Variants in SNTG1 observed in about 807,000 individuals in gnomAD.
SNTG1 encodes gamma-1-syntrophin.
In SNTG1, 39 loss-of-function variants were observed where a neutral mutation model predicts 74.7. The ratio of observed to expected loss-of-function variants is 0.52; its 90% CI spans 0.40 to 0.68. The LOEUF is 0.68. Among genes scored for constraint, SNTG1 ranks in the 30% least tolerant of loss-of-function variants. SNTG1 has a pLI of 0.00. For missense variants in SNTG1, 685 were observed against 609.5 expected (o/e 1.12, Z -1.30); for synonymous variants, 254 against 217.1 (o/e 1.17, Z -1.49).
At chr8:50,299,438 A>T (rs2089543179) in intron 2 of SNTG1, among the ~76,000 whole-genome samples, 1 of 152,180 alleles carries the variant, frequency 6.6e-6, no homozygotes, top group African/African-American at 2.4e-5. Flanking sequence ...GGGGCATTCA[A>T]GTAAACTCTT....
At chr8:50,029,638 C>T (rs1817576578) in intron 1 of SNTG1, among the ~76,000 whole-genome samples, 1 of 152,098 alleles carries the variant, frequency 6.6e-6, no homozygotes, top group Non-Finnish European at 1.5e-5. Context: ...TTTCACCTAA[C>T]ATAACATCTA....
chr8:50,209,590 G>T (rs1331947101), intron 2 of SNTG1, among the ~76,000 whole-genome samples: 1 of 152,180 alleles, frequency 6.6e-6, no homozygotes, highest in African/African-American at 2.4e-5. Flanking sequence ...AGCCTCCGCT[G>T]GTGATACCCA....
At chr8:49,922,286 T>G (rs2129344862) in intron 1 of SNTG1, among the ~76,000 whole-genome samples, 1 of 152,270 alleles carries the variant, frequency 6.6e-6, no homozygotes, top group South Asian at 2.1e-4. Flanking sequence ...GGCTTTTTTC[T>G]TGGTACTAGA....
intron 2 of SNTG1, among the ~76,000 whole-genome samples, chr8:50,232,236 A>G (rs2085665524): frequency 6.6e-6 from 1 of 151,406 alleles, no homozygotes; most frequent in Non-Finnish European, 1.5e-5. Context: ...AGCAACATAT[A>G]TAGGAAATAT....
At chr8:49,930,346 G>T (rs1807456307) in intron 1 of SNTG1, among the ~76,000 whole-genome samples, 1 of 151,860 alleles carries the variant, frequency 6.6e-6, no homozygotes, top group African/African-American at 2.4e-5. Flanking sequence ...AAAGCAATTA[G>T]CACTATTAAT....
chr8:49,955,994 T>G (rs1272871929), intron 1 of SNTG1, among the ~76,000 whole-genome samples: 1 of 152,214 alleles, frequency 6.6e-6, no homozygotes, highest in Non-Finnish European at 1.5e-5. Context: ...CATTGCCATA[T>G]ATTGTTTTCT....
At chr8:50,008,408 T>A (rs554064649) in intron 1 of SNTG1, among the ~76,000 whole-genome samples, 1 of 152,332 alleles carries the variant, frequency 6.6e-6, no homozygotes, top group African/African-American at 2.4e-5. Flanking sequence ...GTTGTTCTAT[T>A]ATTAAACACA....
At chr8:50,644,919 C>A (rs894545744) in intron 13 of SNTG1, among the ~76,000 whole-genome samples, 4 of 135,694 alleles carry the variant, frequency 2.9e-5, no homozygotes, top group African/African-American at 8.1e-5. Context: ...TGCCCAGGTG[C>A]TTTTTTTTTT....
chr8:50,478,473 T>C (rs1015031689), intron 8 of SNTG1, among the ~76,000 whole-genome samples: 1 of 152,324 alleles, frequency 6.6e-6, no homozygotes, highest in East Asian at 1.9e-4. Context: ...CCCAGTTTAT[T>C]ATCAATCGTT....
intron 15 of SNTG1, among the ~76,000 whole-genome samples, chr8:50,666,814 A>G (rs1032936626): frequency 6.6e-6 from 1 of 152,068 alleles, no homozygotes; most frequent in African/African-American, 2.4e-5. Context: ...AATAGAAAAA[A>G]TAACTTTTTA....
At chr8:50,666,751 A>G (rs2095252704) in intron 15 of SNTG1, among the ~76,000 whole-genome samples, 1 of 152,102 alleles carries the variant, frequency 6.6e-6, no homozygotes, top group Admixed American at 6.6e-5. Context: ...GCTCAAATTA[A>G]GAATAGCTAA....
Position 50,078,683 on chromosome 8 carries a change from G to A in SNTG1, c.-102-93878G>A, listed in dbSNP as rs180978039. On this transcript the variant is annotated intron_variant, in intron 1 of 18. Coordinates refer to ENST00000642720, the MANE Select transcript of SNTG1 (RefSeq NM_018967.5). ...TTGGTTTTAAGCCCTGCGTGCATTA[G>A]GTATTTGTCCTAATGCTCTCCTTTC... 2.0e-3 allele frequency among the ~76,000 whole-genome samples: 301 copies of A among 152,238 alleles called. 1 individual carries two copies. The highest frequency in any genetic ancestry group is 6.1e-3 in the African/African-American group (253 of 41,544).
chr8:50,245,851 C>T (rs764467742), intron 2 of SNTG1, among the ~76,000 whole-genome samples: 2 of 152,026 alleles, frequency 1.3e-5, no homozygotes, highest in Non-Finnish European at 2.9e-5. Flanking sequence ...TTGTGGTAGT[C>T]ATTATGCGTG....
chr8:50,459,119 A>T (rs1035667671), intron 8 of SNTG1, among the ~76,000 whole-genome samples: 7 of 152,170 alleles, frequency 4.6e-5, no homozygotes, highest in African/African-American at 1.4e-4. Context: ...TGTCCCATTT[A>T]TTGAGAAGAC....
At chr8:50,256,164 T>C (rs1259415991) in intron 2 of SNTG1, among the ~76,000 whole-genome samples, 1 of 151,174 alleles carries the variant, frequency 6.6e-6, no homozygotes, top group Non-Finnish European at 1.5e-5. Flanking sequence ...TGTCTTTTTG[T>C]TTATACATTC....
intron 1 of SNTG1, among the ~76,000 whole-genome samples, chr8:50,029,074 A>G (rs1368028422): frequency 2.0e-5 from 3 of 151,614 alleles, no homozygotes; most frequent in Non-Finnish European, 4.4e-5. Flanking sequence ...TTTTGTTTGT[A>G]TTTTCATCTT....
intron 1 of SNTG1, among the ~76,000 whole-genome samples, chr8:50,096,701 G>A (rs894005929): frequency 2.6e-5 from 4 of 152,088 alleles, no homozygotes; most frequent in African/African-American, 9.7e-5. Context: ...GCAAAGTAGG[G>A]ACTTTTTCCA....
chr8:50,317,478 T>G (rs2090356839), intron 2 of SNTG1, among the ~76,000 whole-genome samples: 1 of 152,214 alleles, frequency 6.6e-6, no homozygotes, highest in South Asian at 2.1e-4. Context: ...GGAAAAGTAA[T>G]GCACATGCCT....
chr8:50,654,687 T>C (rs1305104040), intron 13 of SNTG1, among the ~76,000 whole-genome samples: 3 of 152,186 alleles, frequency 2.0e-5, no homozygotes, highest in Admixed American at 2.0e-4. Flanking sequence ...ACATAAGTAA[T>C]GTTATTGTCA....
Sources: allele counts gnomAD v4.1 joint callset (sites outside exome capture counted in the v4.1 genomes callset), GRCh38; gene constraint gnomAD v4.1.1; transcripts MANE v1.5; gene names NCBI Gene and HGNC (gene_info 2026-07-23, HGNC 2026-07-21).